EGFLAM: variants seen among roughly 807,000 people sequenced by gnomAD.
EGFLAM encodes EGF like, fibronectin type III and laminin G domains, also known as pikachurin.
Under a neutral mutation model 113.1 loss-of-function variants are expected in EGFLAM, and 79 were observed. The ratio of observed to expected loss-of-function variants is 0.70; its 90% CI spans 0.58 to 0.84. The LOEUF (loss-of-function observed/expected upper bound fraction) is 0.84. Ranked by LOEUF, EGFLAM falls within the 40% of genes least tolerant of loss-of-function variation. The probability of loss-of-function intolerance (pLI) is 0.00; values close to 1 mark genes in which losing one functional copy is unlikely to be tolerated. For synonymous variants in EGFLAM, 504 were observed against 487.6 expected (o/e 1.03, Z -0.44); for missense variants, 1,265 against 1,291.6 (o/e 0.98, Z 0.32).
rs141658526 is a variant in EGFLAM, at chr5:38,347,353, A to C, written c.292-3148A>C. 1.0e-3 allele frequency among the ~76,000 whole-genome samples: 152 copies of C among 152,348 alleles called. 1 individual carries two copies. Among genetic ancestry groups the C allele is most frequent in the African/African-American group, 3.4e-3 (141 of 41,594 alleles). On this transcript the variant is annotated intron_variant, in intron 3 of 21. Coordinates refer to ENST00000322350, the MANE Select transcript of EGFLAM (RefSeq NM_152403.4). Reference sequence around the variant, plus strand: ...TAAGCTTTGGGATGCCAGGGGAATAAGAACTTGCTTACTGGCTTCAAGTGG... The same window carrying C: ...TAAGCTTTGGGATGCCAGGGGAATACGAACTTGCTTACTGGCTTCAAGTGG...
At chr5:38,347,447 C>T (rs1407458799) in intron 3 of EGFLAM, among the ~76,000 whole-genome samples, 2 of 151,972 alleles carry the variant, frequency 1.3e-5, no homozygotes, top group Non-Finnish European at 2.9e-5. Context: ...TTGGGGTGCA[C>T]CAAGGACACC....
At chr5:38,358,805 T>A (rs1739837333) in intron 5 of EGFLAM, among the ~76,000 whole-genome samples, 2 of 152,212 alleles carry the variant, frequency 1.3e-5, no homozygotes, top group Admixed American at 1.3e-4. Flanking sequence ...CATAGATTTT[T>A]ATTTTTTAAG....
chr5:38,294,240 C>T (rs1758402446), intron 1 of EGFLAM, among the ~76,000 whole-genome samples: 1 of 152,180 alleles, frequency 6.6e-6, no homozygotes, highest in African/African-American at 2.4e-5. Flanking sequence ...TTTCTCATGG[C>T]AATGACAGAG....
rs889466821 is a variant in EGFLAM, at chr5:38,343,756, C to T, written c.291+4975C>T. On this transcript the variant is annotated intron_variant, in intron 3 of 21. Transcript: ENST00000322350. ...TCCACTGGACAATGCTAGGTGGTCC[C>T]AACTGCCACTAAGGCAACTGAGGCC... is the stretch of plus-strand genomic sequence containing the variant. Among the ~76,000 whole-genome samples, 4 of 152,182 alleles carry T rather than the reference C, an allele frequency of 2.6e-5. No individual in the cohort carries two copies. The South Asian group carries it at 6.2e-4, about 24-fold the overall frequency.
intron 5 of EGFLAM, among the ~76,000 whole-genome samples, chr5:38,353,334 G>A (rs78938992): frequency 0.032 from 4,869 of 152,326 alleles, 115 homozygotes; most frequent in East Asian, 0.06. Context: ...GCGGTGGCTG[G>A]TGAGTGAGTC....
intron 6 of EGFLAM, among the ~76,000 whole-genome samples, chr5:38,388,980 G>A (rs2112082813): frequency 6.6e-6 from 1 of 150,518 alleles, no homozygotes; most frequent in African/African-American, 2.4e-5. Flanking sequence ...TTTTTTTTCT[G>A]GATACATAAG....
chr5:38,258,817 C>A lies in EGFLAM; in HGVS notation c.63C>A (p.Gly21=). ...LLLLASSLGP[G]AVSLRAAIRK... is the part of the protein sequence containing the mutation. ...TCCTGGCTTCCAGCCTCGGACCCGG[C>A]GCGGTGTCGCTCCGAGCGGCCATCC... Residue 21 remains glycine (G), a synonymous_variant, in exon 1 of 22, where the codon GGC becomes GGA. Coordinates refer to ENST00000322350, the MANE Select transcript of EGFLAM (RefSeq NM_152403.4). The A allele has an allele frequency of 1.2e-6, 2 of 1,612,324 alleles. No homozygotes were observed. Among genetic ancestry groups the A allele is most frequent in the Non-Finnish European group, 1.7e-6 (2 of 1,179,548 alleles).
At chr5:38,312,751 T>C (rs930401932) in intron 1 of EGFLAM, among the ~76,000 whole-genome samples, 1 of 152,152 alleles carries the variant, frequency 6.6e-6, no homozygotes, top group Non-Finnish European at 1.5e-5. Flanking sequence ...TGAAGATGCT[T>C]ATTTTTCTGT....
intron 1 of EGFLAM, among the ~76,000 whole-genome samples, chr5:38,274,030 A>T (rs891379225): frequency 6.6e-6 from 1 of 152,230 alleles, no homozygotes; most frequent in Non-Finnish European, 1.5e-5. Context: ...GAGAAATATT[A>T]AAAAATCAAA....
chr5:38,358,897 A>C lies in EGFLAM; in HGVS notation c.545+6566A>C, dbSNP rs1457281496. Among the ~76,000 whole-genome samples, 4 of 152,274 alleles carry C rather than the reference A, an allele frequency of 2.6e-5. No homozygotes were observed. The East Asian group carries it at 7.7e-4, about 29-fold the overall frequency. On this transcript the variant is annotated intron_variant, in intron 5 of 21. Coordinates refer to ENST00000322350, the MANE Select transcript of EGFLAM (RefSeq NM_152403.4). Reference sequence around the variant, plus strand: ...ATTTTGCAGTGTTTTAAACACTTTTACTTGCTTTTTTAAAACACAAAAGCC... The same window carrying C: ...ATTTTGCAGTGTTTTAAACACTTTTCCTTGCTTTTTTAAAACACAAAAGCC...
At chr5:38,362,651 C>T (rs975152392) in intron 5 of EGFLAM, among the ~76,000 whole-genome samples, 20 of 152,060 alleles carry the variant, frequency 1.3e-4, no homozygotes, top group African/African-American at 3.4e-4. Flanking sequence ...ATATGACAGG[C>T]GACAAGTGCT....
At chr5:38,283,434 G>T (rs887540405) in intron 1 of EGFLAM, among the ~76,000 whole-genome samples, 1 of 152,162 alleles carries the variant, frequency 6.6e-6, no homozygotes, top group Non-Finnish European at 1.5e-5. Context: ...ATAAAGGCAT[G>T]CATTGTGCCT....
intron 19 of EGFLAM, among the ~76,000 whole-genome samples, chr5:38,453,967 A>C (rs1264664437): frequency 6.6e-6 from 1 of 152,000 alleles, no homozygotes; most frequent in Non-Finnish European, 1.5e-5. Flanking sequence ...TCTTGTTACC[A>C]TTTCTTTCTC....
chr5:38,317,690 G>A (rs1367015489), intron 1 of EGFLAM, among the ~76,000 whole-genome samples: 2 of 152,144 alleles, frequency 1.3e-5, no homozygotes, highest in Admixed American at 1.3e-4. Flanking sequence ...CAACCCTTTT[G>A]TACTACATAC....
chr5:38,412,068 G>T (rs1741498379), intron 10 of EGFLAM, among the ~76,000 whole-genome samples: 1 of 152,170 alleles, frequency 6.6e-6, no homozygotes, highest in African/African-American at 2.4e-5. Context: ...CCAAAGTGCT[G>T]GGATTACAGA....
At chr5:38,405,971 G>T (rs1254499590) in intron 6 of EGFLAM, 155 bp from the exon 7 acceptor site, 4 of 662,350 alleles carry the variant, frequency 6.0e-6, no homozygotes, top group Non-Finnish European at 1.1e-5. Flanking sequence ...ATATCTTTTG[G>T]TCATTGACGC....
At position 38,352,206 on chromosome 5, in the gene EGFLAM, G is replaced by A. The variant is rs747379707; in HGVS notation, c.420G>A (p.Leu140=). 11 of 1,614,096 alleles carry A rather than the reference G, an allele frequency of 6.8e-6. No individual in the cohort carries two copies. In the Admixed American group the frequency reaches 1.3e-4, roughly 20 times the overall value. Reference sequence around the variant, plus strand: ...TGTCATCCCACCTAGATTCCTGCCTGCCTCCTGCAGCTCCCCAGCAGCCAC... The same window carrying A: ...TGTCATCCCACCTAGATTCCTGCCTACCTCCTGCAGCTCCCCAGCAGCCAC... ...HVTTLSQDSC[L]PPAAPQQPHV... Residue 140 remains leucine (L), a synonymous_variant, in exon 5 of 22, where the codon CTG becomes CTA. Coordinates refer to ENST00000322350, the MANE Select transcript of EGFLAM (RefSeq NM_152403.4).
At chr5:38,263,579 T>C (rs1182895721) in intron 1 of EGFLAM, among the ~76,000 whole-genome samples, 1 of 152,196 alleles carries the variant, frequency 6.6e-6, no homozygotes, top group African/African-American at 2.4e-5. Context: ...AATCTCGGCT[T>C]CTAGTATGTG....
intron 1 of EGFLAM, among the ~76,000 whole-genome samples, chr5:38,269,716 C>T (rs1757722117): frequency 6.6e-6 from 1 of 152,138 alleles, no homozygotes. Context: ...GTCTCGATCT[C>T]CTGACCTCAT....
Sources: gnomAD v4.1 joint callset for allele counts (sites outside exome capture counted in the v4.1 genomes callset) on GRCh38, gnomAD v4.1.1 for gene constraint, MANE v1.5 for transcripts, NCBI Gene and HGNC (gene_info 2026-07-23, HGNC 2026-07-21) for gene names.